Variants in ZC3H18 observed in about 807,000 individuals in gnomAD.
ZC3H18 encodes the protein zinc finger CCCH-type containing 18.
A neutral mutation model predicts 106.1 loss-of-function variants in ZC3H18; 8 were observed. The ratio of observed to expected loss-of-function variants is 0.08; its 90% CI spans 0.04 to 0.14. The LOEUF is 0.14. Ranked by LOEUF, ZC3H18 falls within the 10% of genes least tolerant of loss-of-function variation. ZC3H18 has a pLI of 1.00. For missense variants in ZC3H18, 1,318 were observed against 1,278.4 expected, an observed-to-expected ratio of 1.03 and a Z score of -0.47; for synonymous variants, 635 against 522.1, an observed-to-expected ratio of 1.22 and a Z score of -2.95.
intron 2 of ZC3H18, among the ~76,000 whole-genome samples, chr16:88,586,371 G>A (rs541228618): frequency 1.3e-5 from 2 of 152,346 alleles, no homozygotes; most frequent in East Asian, 3.9e-4. Context: ...CCTGTGTGCT[G>A]CACAGTGCTT....
intron 8 of ZC3H18, among the ~76,000 whole-genome samples, chr16:88,616,379 T>TG (rs1905604995): frequency 6.6e-6 from 1 of 152,268 alleles, no homozygotes; most frequent in Admixed American, 6.5e-5. Context: ...CTTGTGCTCC[T>TG]GGGGCTGCCC....
Position 88,584,368 on chromosome 16 carries a change from A to T in ZC3H18, c.604-2232A>T, listed in dbSNP as rs180894180. Among the ~76,000 whole-genome samples, 3 of 151,518 alleles carry T rather than the reference A, an allele frequency of 2.0e-5. No individual in the cohort carries two copies. In the East Asian group the frequency reaches 5.8e-4, roughly 30 times the overall value. On this transcript the variant is annotated intron_variant, in intron 2 of 17. Transcript: ENST00000301011. ...ACCCGGGAGGCAGAGGTTGCAGTGA[A>T]CCGAGATCGTGCCACTGCACTCCAG...
chr16:88,586,512 A>G, intron 2 of ZC3H18, 88 bp from the exon 3 acceptor site: 1 of 1,084,084 alleles, frequency 9.2e-7, no homozygotes. Context: ...CAGGTTCCAC[A>G]CGCAGCTTCC....
In ZC3H18 at chr16:88,628,021, TCCCAGCAGCCCTCGACAC is replaced by T. The variant is rs1906423382; in HGVS notation, c.2380_2397del (p.Pro794_Gln799del). On this transcript the variant is annotated inframe_deletion, in exon 15 of 18. Coordinates refer to ENST00000301011, the MANE Select transcript of ZC3H18 (RefSeq NM_144604.4). ...AAAACCTCCAGCAGGGGGGAAGTCC[TCCCAGCAGCCCTCGACAC>T]CCCAGCAGGCACCCCCCGGGCAGCC... 6.2e-7 allele frequency: 1 copy of T among 1,613,980 alleles called. No individual in the cohort carries two copies. The highest frequency in any genetic ancestry group is 1.3e-5 in the African/African-American group (1 of 74,918).
intron 1 of ZC3H18, among the ~76,000 whole-genome samples, chr16:88,572,530 G>A (rs1914475544): frequency 6.6e-6 from 1 of 151,998 alleles, no homozygotes; most frequent in Admixed American, 6.6e-5. Flanking sequence ...CGGGACGATG[G>A]GCACTTGTTA....
At chr16:88,597,813 G>C (rs929699886) in intron 3 of ZC3H18, among the ~76,000 whole-genome samples, 4 of 152,256 alleles carry the variant, frequency 2.6e-5, no homozygotes, top group African/African-American at 9.6e-5. Context: ...TTAACATCCA[G>C]TTGTACCTAG....
intron 2 of ZC3H18, among the ~76,000 whole-genome samples, chr16:88,585,871 C>T (rs1337178409): frequency 1.3e-5 from 2 of 152,024 alleles, no homozygotes; most frequent in South Asian, 2.1e-4. Context: ...ATCAGGCTGA[C>T]GAGTACTTCC....
Position 88,572,979 on chromosome 16 carries a change from G to A in ZC3H18, c.-15+2413G>A, listed in dbSNP as rs1323059794. 2.0e-5 allele frequency among the ~76,000 whole-genome samples: 3 copies of A among 152,042 alleles called. No homozygotes were observed. The East Asian group carries it at 5.8e-4, about 29-fold the overall frequency. ...TCACTGTGTTGGCCAAGGTGATCTC[G>A]AACTCCCAACCTCGTGATCCTCCCG... is the stretch of plus-strand genomic sequence containing the variant. On this transcript the variant is annotated intron_variant, in intron 1 of 17. Transcript: ENST00000301011.
chr16:88,607,080 C>G (rs769339702), intron 6 of ZC3H18, among the ~76,000 whole-genome samples: 30 of 152,294 alleles, frequency 2.0e-4, no homozygotes, highest in Middle Eastern at 3.4e-3. Flanking sequence ...GCAGGCCCCC[C>G]CCAACCCTGT....
At chr16:88,590,856 G>A (rs183738507) in intron 3 of ZC3H18, among the ~76,000 whole-genome samples, 9 of 151,928 alleles carry the variant, frequency 5.9e-5, no homozygotes, top group African/African-American at 1.4e-4. Context: ...CACCACACCC[G>A]GCCCCTACTT....
In ZC3H18 at chr16:88,609,079, G is replaced by T; in HGVS notation, c.1206+28G>T. 1.9e-6 allele frequency: 3 copies of T among 1,543,600 alleles called. No individual in the cohort carries two copies. The South Asian group carries it at 3.4e-5, about 17-fold the overall frequency. On this transcript the variant is annotated intron_variant, in intron 7 of 17. Transcript: ENST00000301011. ...AAGTATGACTTCAATATCCACATAT[G>T]AACTTCATGATCTGTTCATTCAAGT...
At chr16:88,587,080 G>A (rs962289062) in intron 3 of ZC3H18, among the ~76,000 whole-genome samples, 42 of 152,298 alleles carry the variant, frequency 2.8e-4, no homozygotes, top group South Asian at 1.0e-3. Flanking sequence ...AGAGATGGCC[G>A]CTTTTCCTGC....
chr16:88,587,409 C>G, intron 3 of ZC3H18: 1 of 689,322 alleles, frequency 1.5e-6, no homozygotes, highest in East Asian at 2.7e-5. Context: ...TGTAATTCAG[C>G]GTTCCCCTTG....
intron 12 of ZC3H18, among the ~76,000 whole-genome samples, chr16:88,624,965 G>A (rs376561061): frequency 1.3e-5 from 2 of 152,204 alleles, no homozygotes; most frequent in African/African-American, 2.4e-5. Context: ...AGCGTGGCAC[G>A]GAGCACAGGC....
Position 88,598,173 on chromosome 16 carries a change from C to T in ZC3H18, c.689-5C>T, listed in dbSNP as rs746630606. On this transcript the variant is annotated splice_region_variant and splice_polypyrimidine_tract_variant and intron_variant, in intron 3 of 17. Transcript: ENST00000301011. The stretch of plus-strand genomic sequence containing the variant: ...CCCTTTCTGATCTCACTTTTGTTTC[C>T]ATAGGGAACTGTACCTGGGGAATGA... 2.8e-5 allele frequency: 44 copies of T among 1,597,632 alleles called. No individual in the cohort carries two copies. The highest frequency in any genetic ancestry group is 3.5e-5 in the Admixed American group (2 of 57,756).
intron 3 of ZC3H18, chr16:88,587,615 T>G: frequency 1.3e-6 from 2 of 1,534,954 alleles, no homozygotes; most frequent in Non-Finnish European, 1.7e-6. Context: ...AGGTTAAAGG[T>G]ACAAAATACG....
In ZC3H18 at chr16:88,590,564, C is replaced by CTTTTTTTTTTTTT. The variant is rs57632461; in HGVS notation, c.688+3884_688+3896dup. 1.7e-3 allele frequency among the ~76,000 whole-genome samples: 171 copies of CTTTTTTTTTTTTT among 100,646 alleles called. 13 individuals are homozygous for CTTTTTTTTTTTTT. The highest frequency in any genetic ancestry group is 2.3e-3 in the Non-Finnish European group (123 of 53,672). The allele number at this position is 100,646 out of a possible 152,430, so 66.0% of individuals were successfully genotyped here. A position where few individuals can be genotyped will look rare whatever the true frequency, so the allele number is the denominator to read the frequency against. On this transcript the variant is annotated intron_variant, in intron 3 of 17. Coordinates refer to ENST00000301011, the MANE Select transcript of ZC3H18 (RefSeq NM_144604.4). ...TGTCCCACTTTGGGTTTCTTTATTT[C>CTTTTTTTTTTTTT]TTTTTTTTTTTTTTTTGAGACAGTG... is the stretch of plus-strand genomic sequence containing the variant.
At chr16:88,579,037 G>A (rs370034030) in intron 2 of ZC3H18, among the ~76,000 whole-genome samples, 13 of 152,136 alleles carry the variant, frequency 8.5e-5, no homozygotes, top group Non-Finnish European at 1.5e-4. Context: ...CTCAATGCAC[G>A]TTTGGATATG....
At chr16:88,591,124 C>T (rs940650758) in intron 3 of ZC3H18, among the ~76,000 whole-genome samples, 1 of 152,078 alleles carries the variant, frequency 6.6e-6, no homozygotes, top group South Asian at 2.1e-4. Context: ...GCGCCCGCCA[C>T]CACGCCCAGG....
Sources: gnomAD v4.1 joint callset for allele counts (sites outside exome capture counted in the v4.1 genomes callset) on GRCh38, gnomAD v4.1.1 for gene constraint, MANE v1.5 for transcripts, NCBI Gene and HGNC (gene_info 2026-07-23, HGNC 2026-07-21) for gene names.